SMIM23: variants seen among roughly 807,000 people sequenced by gnomAD.
The protein encoded by SMIM23 is CTB-78H18.1.
A neutral mutation model predicts 12.8 loss-of-function variants in SMIM23; 10 were observed. The observed-to-expected ratio is 0.78, with a 90% CI of 0.48 to 1.32. The LOEUF is 1.32. SMIM23 is among the 40% of genes most tolerant of loss of function. The pLI is 0.00. For missense variants in SMIM23, 184 were observed against 198.2 expected (o/e 0.93, Z 0.43); for synonymous variants, 78 against 80.1 (o/e 0.97, Z 0.14).
chr5:171,779,230 C>G (rs1280392874), upstream of SMIM23, among the ~76,000 whole-genome samples: 1 of 152,184 alleles, frequency 6.6e-6, no homozygotes, highest in Non-Finnish European at 1.5e-5. Flanking sequence ...GAAAATAAAT[C>G]AGAAGTTCTC....
Position 171,791,007 on chromosome 5 carries a change from G to A in SMIM23, c.438G>A (p.Trp146Ter). The change falls in exon 4 of 4, where the codon TGG (tryptophan) becomes TGA (stop). Residue 146 changes from tryptophan to a stop codon, truncating the protein, a stop_gained. Coordinates refer to ENST00000523047, the MANE Select transcript of SMIM23 (RefSeq NM_001289970.2). LOFTEE classifies it low-confidence loss of function (END_TRUNC). ...GCTCCACATATAAAAGTCACTTGTG[G>A]GAGTGGGCCTGGGCCCTGGGGAGAG... ...EHCSTYKSHL[W>*]EWAWALGREH... The A allele has an allele frequency of 2.6e-6, 4 of 1,535,460 alleles. No homozygotes were observed. The highest frequency in any genetic ancestry group is 3.5e-6 in the Non-Finnish European group (4 of 1,146,896).
chr5:171,779,443 C>T (rs564223272), upstream of SMIM23, among the ~76,000 whole-genome samples: 1 of 152,312 alleles, frequency 6.6e-6, no homozygotes, highest in East Asian at 1.9e-4. Context: ...AGACTAAAGG[C>T]AGGCACCAGA....
chr5:171,779,726 G>A (rs1019396820), upstream of SMIM23, among the ~76,000 whole-genome samples: 1 of 151,998 alleles, frequency 6.6e-6, no homozygotes, highest in African/African-American at 2.4e-5. Flanking sequence ...AATTGGCATG[G>A]GGGCAGCCCA....
upstream of SMIM23, among the ~76,000 whole-genome samples, chr5:171,778,668 T>C (rs1002293001): frequency 1.3e-5 from 2 of 152,204 alleles, no homozygotes; most frequent in Admixed American, 6.5e-5. Flanking sequence ...CCAGTGCTAC[T>C]GACTTTAGAC....
rs928351505 is a variant in SMIM23, at chr5:171,791,051, G to T, written c.482G>T (p.Gly161Val). The stretch of plus-strand genomic sequence containing the variant: ...GGGAGAGAGCACAAAGGTGGGGAGG[G>T]GTTGCTAGAGATTTCTCTAAGCGGG... ...ALGREHKGGE[G>V]LLEISLSGAE... is the part of the protein sequence containing the mutation. The change falls in exon 4 of 4, where the codon GGG becomes GTG. Residue 161 changes from glycine to valine, a missense_variant. Coordinates refer to ENST00000523047, the MANE Select transcript of SMIM23 (RefSeq NM_001289970.2). 2.0e-6 allele frequency: 3 copies of T among 1,523,384 alleles called. No individual in the cohort carries two copies. Among genetic ancestry groups the T allele is most frequent in the African/African-American group, 2.8e-5 (2 of 72,650 alleles). The allele number at this position is 1,523,384 out of a possible 1,614,324, so 94.4% of individuals were successfully genotyped here.
At chr5:171,788,160 GCACACACACACAAACACA>G (rs1755852006) in intron 1 of SMIM23, among the ~76,000 whole-genome samples, 1 of 133,792 alleles carries the variant, frequency 7.5e-6, no homozygotes, top group Non-Finnish European at 1.5e-5. Flanking sequence ...CAGTCAATAT[GCACACACACACAAACACA>G]CACACACACA....
At chr5:171,773,353 A>G in the SMIM23 span, among the ~76,000 whole-genome samples, 716 of 54,262 alleles carry the variant, frequency 0.013, 5 homozygotes, top group African/African-American at 0.08. Context: ...ATGGTAGAGC[A>G]CTGGAGATGC....
chr5:171,776,156 C>A, the SMIM23 span, among the ~76,000 whole-genome samples: 1 of 152,170 alleles, frequency 6.6e-6, no homozygotes, highest in Non-Finnish European at 1.5e-5. Context: ...CAGGCGTGAG[C>A]CACCGTGCCT....
chr5:171,788,420 A>G (rs1755858126), intron 1 of SMIM23, among the ~76,000 whole-genome samples: 1 of 152,156 alleles, frequency 6.6e-6, no homozygotes, highest in Non-Finnish European at 1.5e-5. Flanking sequence ...AAAAACATAC[A>G]TAGAAAGAAA....
At position 171,790,978 on chromosome 5, in the gene SMIM23, C is replaced by T; in HGVS notation, c.409C>T (p.His137Tyr). 1 of 1,535,964 alleles carries T rather than the reference C, an allele frequency of 6.5e-7. No homozygotes were observed. The highest frequency in any genetic ancestry group is 8.7e-7 in the Non-Finnish European group (1 of 1,146,914). Reference sequence around the variant, plus strand: ...TCTGGGAGAGCCACACCAGGAGGAGCACTGCTCCACATATAAAAGTCACTT... The same window carrying T: ...TCTGGGAGAGCCACACCAGGAGGAGTACTGCTCCACATATAAAAGTCACTT... ...ALLGEPHQEE[H>Y]CSTYKSHLWE... The change falls in exon 4 of 4, where the codon CAC (histidine) becomes TAC (tyrosine). Residue 137 changes from histidine to tyrosine, a missense_variant. Physicochemically the swap from His to Tyr is moderately conservative, Grantham distance 83. Transcript: ENST00000523047.
chr5:171,778,488 C>G (rs1581069108), upstream of SMIM23, among the ~76,000 whole-genome samples: 1 of 122,644 alleles, frequency 8.2e-6, no homozygotes, highest in East Asian at 2.4e-4. Context: ...CACACACACA[C>G]ACACAGATAG....
upstream of SMIM23, among the ~76,000 whole-genome samples, chr5:171,778,970 C>A (rs1384930308): frequency 6.6e-6 from 1 of 152,158 alleles, no homozygotes; most frequent in Admixed American, 6.5e-5. Context: ...CAAGACTGGC[C>A]GTTTCCAATT....
chr5:171,787,954 A>G (rs1234455508), intron 1 of SMIM23, among the ~76,000 whole-genome samples: 2 of 152,078 alleles, frequency 1.3e-5, no homozygotes, highest in Non-Finnish European at 2.9e-5. Context: ...TTAAGTTAAT[A>G]GTAATGTAGT....
upstream of SMIM23, among the ~76,000 whole-genome samples, chr5:171,778,028 T>C (rs1029608337): frequency 8.5e-5 from 13 of 152,098 alleles, no homozygotes; most frequent in African/African-American, 2.9e-4. Context: ...TATTGCAAAA[T>C]AGGACTTTGC....
upstream of SMIM23, among the ~76,000 whole-genome samples, chr5:171,777,910 C>G (rs1755667023): frequency 1.3e-5 from 2 of 152,202 alleles, no homozygotes. Context: ...TGTCCTTGCC[C>G]AGAGCTTTGA....
At chr5:171,780,803 G>A (rs946469149), upstream of SMIM23, among the ~76,000 whole-genome samples, 2 of 151,880 alleles carry the variant, frequency 1.3e-5, no homozygotes, top group East Asian at 3.9e-4. Context: ...GACTGTCTTG[G>A]GTTGGACTCT....
At chr5:171,777,830 G>A (rs1755666042), upstream of SMIM23, among the ~76,000 whole-genome samples, 2 of 152,140 alleles carry the variant, frequency 1.3e-5, no homozygotes, top group South Asian at 4.1e-4. Context: ...TCTTGGGGGT[G>A]ACACAGCCTT....
At chr5:171,778,783 A>T (rs186243246), upstream of SMIM23, among the ~76,000 whole-genome samples, 1 of 152,162 alleles carries the variant, frequency 6.6e-6, no homozygotes, top group Non-Finnish European at 1.5e-5. Context: ...ACACCAAGAG[A>T]ATTTAGAATT....
At chr5:171,784,483 C>T (rs191534228), upstream of SMIM23, among the ~76,000 whole-genome samples, 87 of 151,364 alleles carry the variant, frequency 5.7e-4, no homozygotes, top group African/African-American at 2.0e-3. Context: ...CCAGCTTGGG[C>T]GACAGAGTGA....
Sources: gnomAD v4.1 joint callset for allele counts (sites outside exome capture counted in the v4.1 genomes callset) on GRCh38, gnomAD v4.1.1 for gene constraint, MANE v1.5 for transcripts, NCBI Gene and HGNC (gene_info 2026-07-23, HGNC 2026-07-21) for gene names.